The following ABLIM1 variants were observed in gnomAD, a reference collection of about 807,000 sequenced individuals.
ABLIM1 encodes the protein actin-binding LIM protein 1.
ABLIM1 carries 40 observed loss-of-function variants against 107.0 expected under a neutral mutation model. That is an observed-to-expected ratio of 0.37 (90% CI 0.29 to 0.49). The LOEUF (loss-of-function observed/expected upper bound fraction) is 0.49, where lower values mean the gene tolerates loss of function less well. Among genes scored for constraint, ABLIM1 ranks in the 20% least tolerant of loss-of-function variants. The pLI is 0.97. For synonymous variants in ABLIM1, 357 were observed against 357.3 expected, an observed-to-expected ratio of 1.00 and a Z score of 0.01; for missense variants, 857 against 1,008.5, an observed-to-expected ratio of 0.85 and a Z score of 2.04.
chr10:114,603,546 A>G (rs565384299), intron 1 of ABLIM1, among the ~76,000 whole-genome samples: 5 of 152,146 alleles, frequency 3.3e-5, no homozygotes, highest in African/African-American at 1.2e-4. Context: ...ATCTAAAGGA[A>G]TTAAGGAGGG....
intron 1 of ABLIM1, among the ~76,000 whole-genome samples, chr10:114,697,472 C>G (rs1378055554): frequency 6.6e-6 from 1 of 152,232 alleles, no homozygotes; most frequent in Non-Finnish European, 1.5e-5. Flanking sequence ...GCCTCCGGGC[C>G]AGCCCACTCA....
At chr10:114,497,767 T>C (rs1277083148) in intron 6 of ABLIM1, among the ~76,000 whole-genome samples, 1 of 151,942 alleles carries the variant, frequency 6.6e-6, no homozygotes, top group Non-Finnish European at 1.5e-5. Context: ...GACTACACTG[T>C]GGCTAGCATG....
At chr10:114,779,442 A>G in the ABLIM1 span, 2 of 152,248 alleles carry the variant, frequency 1.3e-5, no homozygotes, top group South Asian at 2.1e-4. Flanking sequence ...GTTTAATTAC[A>G]TAAGTAGCAT....
intron 1 of ABLIM1, among the ~76,000 whole-genome samples, chr10:114,736,587 C>A (rs1271474657): frequency 2.6e-5 from 4 of 152,068 alleles, no homozygotes; most frequent in Non-Finnish European, 5.9e-5. Flanking sequence ...AATCCAGGGA[C>A]AACATTGAGA....
rs201140669 is a variant in ABLIM1, at chr10:114,441,052, T to C, written c.2024A>G (p.Tyr675Cys). The C allele has an allele frequency of 4.4e-5, 70 of 1,588,948 alleles. No individual in the cohort carries two copies. The highest frequency in any genetic ancestry group is 2.8e-4 in the Admixed American group (16 of 56,630). Reference sequence around the variant, plus strand: ...CCCGCTGACATCCCCATAGCTGTTATACTGAGCGAAGTCGGTAGAAACAGG... The same window carrying C: ...CCCGCTGACATCCCCATAGCTGTTACACTGAGCGAAGTCGGTAGAAACAGG... ...HRPVSTDFAQYNSYGDVSGGV... is the reference protein window; with the variant it reads ...HRPVSTDFAQCNSYGDVSGGV... Residue 675 changes from tyrosine (Y) to cysteine (C), a missense_variant, in exon 19 of 23, where the codon TAT becomes TGT. By Grantham distance (194) the Tyr-to-Cys change is radical. This residue lies in a region of ABLIM1 where 193 missense variants were observed against 208.5 expected (regional missense o/e 0.93). Transcript: ENST00000533213.
rs1295945248 is a variant in ABLIM1 at position 114,445,330 on chromosome 10, T to TTGAAGC, written c.1803_1808dup (p.Leu602_Gln603dup). 1.2e-6 allele frequency: 2 copies of TTGAAGC among 1,614,178 alleles called. No homozygotes were observed. ...GACAAACCTTCATTAATTGCTCTTC[T>TTGAAGC]TGAAGCTGCCGACGTCTCAGAAGTT... On this transcript the variant is annotated inframe_insertion, in exon 16 of 23. Coordinates refer to ENST00000533213, the MANE Select transcript of ABLIM1 (RefSeq NM_002313.7).
chr10:114,487,973 G>C lies in ABLIM1; in HGVS notation c.1026C>G (p.Thr342=), dbSNP rs570177668. Residue 342 remains threonine (T), a synonymous_variant, in exon 8 of 23, where the codon ACC becomes ACG. Coordinates refer to ENST00000533213, the MANE Select transcript of ABLIM1 (RefSeq NM_002313.7). The part of the protein sequence containing the change: ...WHPDCKQSTK[T]EEKLRPTRTS... Reference sequence around the variant, plus strand: ...GTGTCCTTACCCGCAGCTTTTCCTCGGTCTTCGTAGATTGCTTACAGTCGG... The same window carrying C: ...GTGTCCTTACCCGCAGCTTTTCCTCCGTCTTCGTAGATTGCTTACAGTCGG... 6.2e-7 allele frequency: 1 copy of C among 1,613,932 alleles called. No individual in the cohort carries two copies. Among genetic ancestry groups the C allele is most frequent in the Non-Finnish European group, 8.5e-7 (1 of 1,180,008 alleles).
intron 6 of ABLIM1, among the ~76,000 whole-genome samples, chr10:114,533,159 G>A (rs1377739524): frequency 1.3e-5 from 2 of 152,150 alleles, no homozygotes; most frequent in African/African-American, 4.8e-5. Context: ...GACCAACATG[G>A]TGAAATCCCA....
At chr10:114,688,705 G>A (rs1219655553), upstream of ABLIM1, among the ~76,000 whole-genome samples, 2 of 152,208 alleles carry the variant, frequency 1.3e-5, no homozygotes, top group Non-Finnish European at 2.9e-5. Context: ...AAGGAGTACA[G>A]TTGGGATTTG....
chr10:114,566,486 G>C (rs1007765730), intron 4 of ABLIM1, among the ~76,000 whole-genome samples: 11 of 152,216 alleles, frequency 7.2e-5, no homozygotes, highest in African/African-American at 2.7e-4. Flanking sequence ...GAAGAAGGGA[G>C]TGGAATGAAG....
At position 114,588,002 on chromosome 10, in the gene ABLIM1, T is replaced by C. The variant is rs565612114; in HGVS notation, c.380-12403A>G. Among the ~76,000 whole-genome samples the C allele has an allele frequency of 2.6e-5, 4 of 152,290 alleles. No homozygotes were observed. The South Asian group carries it at 8.3e-4, about 32-fold the overall frequency. The stretch of plus-strand genomic sequence containing the variant: ...CATCATATTTATATGACCATTTGAA[T>C]GTCTGATTAATATCCCTATGAAGGC... On this transcript the variant is annotated intron_variant, in intron 2 of 22. Coordinates refer to ENST00000533213, the MANE Select transcript of ABLIM1 (RefSeq NM_002313.7).
rs1181651499 is a variant in ABLIM1, at chr10:114,431,609, C to T, written c.*4651G>A. 1 of 152,220 alleles carries T rather than the reference C, an allele frequency of 6.6e-6. No homozygotes were observed. Among genetic ancestry groups the T allele is most frequent in the Non-Finnish European group, 1.5e-5 (1 of 68,046 alleles). 9.4% of individuals were successfully genotyped at this position (152,220 alleles called of 1,614,324 possible). ...GTAAAGAAACGTATGCATATATGAT[C>T]AGTAAGCAGCTCACATCTTTCTGAA... On this transcript the variant is annotated 3_prime_UTR_variant, in exon 23 of 23. Coordinates refer to ENST00000533213, the MANE Select transcript of ABLIM1 (RefSeq NM_002313.7).
rs28609527 is a variant in ABLIM1 at position 114,544,030 on chromosome 10, C to T, written c.894+975G>A. Among the ~76,000 whole-genome samples the T allele has an allele frequency of 4.1e-4, 62 of 152,282 alleles. No individual in the cohort carries two copies. The South Asian group carries it at 9.5e-3, about 23-fold the overall frequency. ...ACTGGGCCTTTGCTGTGAAACCCCA[C>T]GGAAGAGACAGCACAGCCCAGAAAC... is the stretch of plus-strand genomic sequence containing the variant. On this transcript the variant is annotated intron_variant, in intron 6 of 22. Transcript: ENST00000533213.
chr10:114,438,673 G>A (rs1453737398), intron 21 of ABLIM1, among the ~76,000 whole-genome samples: 1 of 152,250 alleles, frequency 6.6e-6, no homozygotes, highest in East Asian at 1.9e-4. Flanking sequence ...AGGCCCAGAA[G>A]CAGTGCTCTG....
intron 2 of ABLIM1, among the ~76,000 whole-genome samples, chr10:114,586,907 A>G (rs776958631): frequency 1.2e-4 from 19 of 152,244 alleles, no homozygotes; most frequent in Non-Finnish European, 2.6e-4. Context: ...TACGTTAGGA[A>G]TTAGATAATA....
intron 1 of ABLIM1, among the ~76,000 whole-genome samples, chr10:114,657,177 G>A (rs960256167): frequency 6.6e-6 from 1 of 152,192 alleles, no homozygotes; most frequent in Admixed American, 6.5e-5. Context: ...CAAGAATGAC[G>A]AGGAATGCGT....
At chr10:114,624,964 C>T (rs1321481334) in intron 1 of ABLIM1, among the ~76,000 whole-genome samples, 2 of 152,042 alleles carry the variant, frequency 1.3e-5, no homozygotes, top group African/African-American at 2.4e-5. Context: ...AACTGGAGCA[C>T]CCCTCCCCAC....
rs1022057824 is a variant in ABLIM1 at position 114,674,308 on chromosome 10, T to A, written c.64+9982A>T. 7.5e-5 allele frequency among the ~76,000 whole-genome samples: 11 copies of A among 145,982 alleles called. No homozygotes were observed. The East Asian group carries it at 7.9e-4, about 10-fold the overall frequency. On this transcript the variant is annotated intron_variant, in intron 1 of 23. Coordinates refer to the ABLIM1 transcript ENST00000369256. The stretch of plus-strand genomic sequence containing the variant: ...CTGTCACAAAAAAAAAAAAAAAAAA[T>A]TAATTAATTAAAAAGAAGAGAGACC...
chr10:114,472,987 C>T lies in ABLIM1; in HGVS notation c.1265G>A (p.Ser422Asn). 1.2e-6 allele frequency: 2 copies of T among 1,600,420 alleles called. No homozygotes were observed. The highest frequency in any genetic ancestry group is 2.3e-5 in the East Asian group (1 of 44,390). ...SGYDDKQERQ[S>N]LGESPRTLSP... Reference sequence around the variant, plus strand: ...GTAGGAATGTATTACCTCTCCAAGGCTCTGTCTCTCCTGTTTGTCATCATA... The same window carrying T: ...GTAGGAATGTATTACCTCTCCAAGGTTCTGTCTCTCCTGTTTGTCATCATA... Residue 422 changes from serine (S) to asparagine (N), a missense_variant, in exon 10 of 23, where the codon AGC becomes AAC. Around this residue, in one of 5 missense-constraint regions of ABLIM1, gnomAD observed 381 missense variants for 506.9 expected, o/e 0.75. Transcript: ENST00000533213.
Sources: allele counts gnomAD v4.1 joint callset (sites outside exome capture counted in the v4.1 genomes callset), GRCh38; gene constraint gnomAD v4.1.1; regional missense constraint gnomAD v4.1.1; transcripts MANE v1.5; gene names NCBI Gene and HGNC (gene_info 2026-07-23, HGNC 2026-07-21).